PARD3: variants seen among roughly 807,000 people sequenced by gnomAD.
The protein encoded by PARD3 is par-3 family cell polarity regulator, also known as partitioning defective 3 homolog.
A neutral mutation model predicts 155.4 loss-of-function variants in PARD3; 75 were observed. That is an observed-to-expected ratio of 0.48 (90% CI 0.40 to 0.58). PARD3 has a LOEUF of 0.58. Among genes scored for constraint, PARD3 ranks in the 20% least tolerant of loss-of-function variants. The pLI, the probability that PARD3 is intolerant of heterozygous loss-of-function variation, is 0.00. For missense variants in PARD3, 1,642 were observed against 1,721.7 expected, an observed-to-expected ratio of 0.95 and a Z score of 0.82; for synonymous variants, 576 against 610.5, an observed-to-expected ratio of 0.94 and a Z score of 0.83.
intron 19 of PARD3, among the ~76,000 whole-genome samples, chr10:34,327,646 C>T (rs1835173105): frequency 6.6e-6 from 1 of 152,204 alleles, no homozygotes; most frequent in Non-Finnish European, 1.5e-5. Flanking sequence ...TGCTGACCTC[C>T]ATAACTAGCT....
chr10:34,137,111 ATTTGAT>A (rs1362363599), intron 22 of PARD3, among the ~76,000 whole-genome samples: 1 of 152,028 alleles, frequency 6.6e-6, no homozygotes, highest in Non-Finnish European at 1.5e-5. Context: ...TTAAGATTTA[ATTTGAT>A]TTTAAGTGCC....
At chr10:34,437,119 G>C (rs1276775559) in intron 5 of PARD3, among the ~76,000 whole-genome samples, 4 of 152,086 alleles carry the variant, frequency 2.6e-5, no homozygotes, top group Non-Finnish European at 4.4e-5. Flanking sequence ...ATAGTCTGAA[G>C]AGTTATACTG....
At chr10:34,471,634 A>G (rs1249590312) in intron 3 of PARD3, among the ~76,000 whole-genome samples, 1 of 152,164 alleles carries the variant, frequency 6.6e-6, no homozygotes, top group Non-Finnish European at 1.5e-5. Context: ...GGCTCACAGC[A>G]AACTCCGCCT....
chr10:34,402,365 A>T (rs1564672911), intron 5 of PARD3, among the ~76,000 whole-genome samples: 2 of 152,142 alleles, frequency 1.3e-5, no homozygotes, highest in Non-Finnish European at 2.9e-5. Context: ...ATAAACCATA[A>T]CCATTACCAA....
At chr10:34,576,181 A>AT in intron 2 of PARD3, among the ~76,000 whole-genome samples, 1 of 152,360 alleles carries the variant, frequency 6.6e-6, no homozygotes, top group Admixed American at 6.5e-5. Flanking sequence ...ATGATAAAGT[A>AT]TAACAAAAGA....
At chr10:34,287,290 T>A (rs567767081) in intron 20 of PARD3, among the ~76,000 whole-genome samples, 1 of 152,318 alleles carries the variant, frequency 6.6e-6, no homozygotes, top group South Asian at 2.1e-4. Context: ...AGGTAAACCA[T>A]TTGAACCATT....
intron 22 of PARD3, among the ~76,000 whole-genome samples, chr10:34,234,817 C>T (rs1953129277): frequency 6.6e-6 from 1 of 152,162 alleles, no homozygotes; most frequent in Admixed American, 6.5e-5. Context: ...GGATATCATT[C>T]TTATGTTTTT....
intron 21 of PARD3, among the ~76,000 whole-genome samples, chr10:34,272,202 A>C (rs963693675): frequency 7.9e-5 from 12 of 152,202 alleles, no homozygotes; most frequent in African/African-American, 2.9e-4. Flanking sequence ...AAAAGTATAA[A>C]ACTTAAGAAA....
rs543587446 is a variant in PARD3 at position 34,624,002 on chromosome 10, G to A, written c.222+72316C>T. Among the ~76,000 whole-genome samples the A allele has an allele frequency of 1.9e-4, 29 of 151,364 alleles. No individual in the cohort carries two copies. The South Asian group carries it at 4.4e-3, about 23-fold the overall frequency. On this transcript the variant is annotated intron_variant, in intron 2 of 24. Transcript: ENST00000374788. ...CTCAAAAAAAAAAAAAAAAGTCAGC[G>A]CGCATGCAGCTGTCCTTGCTCTGCT...
At chr10:34,647,749 A>G (rs961603979) in intron 2 of PARD3, among the ~76,000 whole-genome samples, 20 of 152,168 alleles carry the variant, frequency 1.3e-4, no homozygotes, top group Admixed American at 7.9e-4. Flanking sequence ...CTTCTCATCC[A>G]TATTTGTAGT....
chr10:34,742,277 C>T (rs1238647571), intron 1 of PARD3, among the ~76,000 whole-genome samples: 1 of 152,138 alleles, frequency 6.6e-6, no homozygotes, highest in East Asian at 1.9e-4. Flanking sequence ...TTGCCTCTGA[C>T]ACCAATGTAA....
At chr10:34,644,424 G>C (rs918843592) in intron 2 of PARD3, among the ~76,000 whole-genome samples, 2 of 152,266 alleles carry the variant, frequency 1.3e-5, no homozygotes, top group African/African-American at 4.8e-5. Flanking sequence ...ATGACATTAA[G>C]TGCAGGCTTA....
At chr10:34,584,435 A>G (rs2087803900) in intron 2 of PARD3, among the ~76,000 whole-genome samples, 1 of 152,186 alleles carries the variant, frequency 6.6e-6, no homozygotes, top group Admixed American at 6.5e-5. Context: ...CTCTAAGGTT[A>G]AGCCAAAACA....
At chr10:34,298,734 G>C (rs1009348035) in intron 20 of PARD3, among the ~76,000 whole-genome samples, 1 of 152,188 alleles carries the variant, frequency 6.6e-6, no homozygotes, top group African/African-American at 2.4e-5. Context: ...AATGGCTACA[G>C]TGGTAAATAT....
intron 5 of PARD3, among the ~76,000 whole-genome samples, chr10:34,419,036 A>C (rs1054464981): frequency 6.6e-6 from 1 of 152,128 alleles, no homozygotes; most frequent in Non-Finnish European, 1.5e-5. Context: ...TAAGCCTCCC[A>C]AAGTGCTGGG....
chr10:34,170,840 TTAAG>T (rs1453888029), intron 22 of PARD3, among the ~76,000 whole-genome samples: 1 of 152,236 alleles, frequency 6.6e-6, no homozygotes, highest in Non-Finnish European at 1.5e-5. Context: ...TTTAAAATAT[TTAAG>T]TAAGACCTTC....
intron 2 of PARD3, among the ~76,000 whole-genome samples, chr10:34,581,218 TTTTTCTTTTTC>T (rs1792140237): frequency 7.3e-6 from 1 of 137,414 alleles, no homozygotes; most frequent in Non-Finnish European, 1.5e-5. Flanking sequence ...ATTTTGGTTA[TTTTTCTTTTTC>T]TTTTCTTTTT....
At chr10:34,278,296 C>G (rs957400243) in intron 21 of PARD3, among the ~76,000 whole-genome samples, 2 of 152,172 alleles carry the variant, frequency 1.3e-5, no homozygotes, top group Non-Finnish European at 2.9e-5. Flanking sequence ...GATCCTACCA[C>G]CTCAGCCTTC....
chr10:34,165,823 A>C (rs540139849), intron 22 of PARD3, among the ~76,000 whole-genome samples: 30 of 152,312 alleles, frequency 2.0e-4, no homozygotes, highest in African/African-American at 6.5e-4. Context: ...GGTATATCCC[A>C]TATCAATGGT....
Sources: gnomAD v4.1 joint callset for allele counts (sites outside exome capture counted in the v4.1 genomes callset) on GRCh38, gnomAD v4.1.1 for gene constraint, MANE v1.5 for transcripts, NCBI Gene and HGNC (gene_info 2026-07-23, HGNC 2026-07-21) for gene names.